Variants in ROBO2 observed in about 807,000 individuals in gnomAD.
ROBO2 encodes roundabout guidance receptor 2, also known as roundabout homolog 2.
A neutral mutation model predicts 160.8 loss-of-function variants in ROBO2; 53 were observed. That is an observed-to-expected ratio of 0.33 (90% CI 0.26 to 0.41). The LOEUF is 0.41. Among genes scored for constraint, ROBO2 ranks in the 10% least tolerant of loss-of-function variants. The pLI is 1.00. For synonymous variants in ROBO2, 664 were observed against 611.7 expected, an observed-to-expected ratio of 1.09 and a Z score of -1.26; for missense variants, 1,577 against 1,722.4, an observed-to-expected ratio of 0.92 and a Z score of 1.49.
At chr3:77,596,482 C>A in intron 18 of ROBO2, 141 bp from the exon 20 acceptor site, 1 of 1,057,476 alleles carries the variant, frequency 9.5e-7, no homozygotes, top group Non-Finnish European at 1.4e-6. Context: ...TGCTGGAGTT[C>A]TTTAATTCCA....
At chr3:76,349,257 A>C (rs2108268352) in intron 2 of ROBO2, among the ~76,000 whole-genome samples, 1 of 152,274 alleles carries the variant, frequency 6.6e-6, no homozygotes, top group South Asian at 2.1e-4. Flanking sequence ...AAATGATAGC[A>C]TATATAATTG....
At chr3:77,450,558 C>A (rs2081012125) in intron 2 of ROBO2, among the ~76,000 whole-genome samples, 3 of 152,000 alleles carry the variant, frequency 2.0e-5, no homozygotes, top group African/African-American at 7.2e-5. Context: ...ACTATTAGTA[C>A]TGGTATATTT....
rs2093876347 is a variant in ROBO2, at chr3:77,580,129, A to G, written c.2500+11A>G. 3 of 1,613,428 alleles carry G rather than the reference A, an allele frequency of 1.9e-6. No homozygotes were observed. The highest frequency in any genetic ancestry group is 4.5e-5 in the East Asian group (2 of 44,868). On this transcript the variant is annotated intron_variant, in intron 16 of 25. Transcript: ENST00000461745. ...AGCCAATAATAATCGGTGAGTATCA[A>G]ACTATGTGGTCTGTGCTTTAGAATC...
chr3:77,417,288 C>A (rs1016881201), intron 2 of ROBO2, among the ~76,000 whole-genome samples: 1 of 149,690 alleles, frequency 6.7e-6, no homozygotes. Flanking sequence ...ATGGGCCAGA[C>A]ATACTTTACT....
At chr3:76,308,799 T>A (rs745423092) in intron 2 of ROBO2, among the ~76,000 whole-genome samples, 11 of 152,174 alleles carry the variant, frequency 7.2e-5, no homozygotes, top group Non-Finnish European at 1.3e-4. Flanking sequence ...CCATTTCAAT[T>A]TCCCCATCAG....
chr3:76,825,067 C>A (rs2066445254), intron 2 of ROBO2, among the ~76,000 whole-genome samples: 1 of 152,186 alleles, frequency 6.6e-6, no homozygotes, highest in Non-Finnish European at 1.5e-5. Context: ...TGTCTCCTCT[C>A]CAATGGCAGT....
chr3:77,319,075 G>A (rs2153429624), intron 2 of ROBO2, among the ~76,000 whole-genome samples: 1 of 152,184 alleles, frequency 6.6e-6, no homozygotes, highest in African/African-American at 2.4e-5. Context: ...ACAATACCTG[G>A]AAAGTAATTA....
At chr3:76,414,923 G>T (rs1055765591) in intron 2 of ROBO2, among the ~76,000 whole-genome samples, 2 of 152,166 alleles carry the variant, frequency 1.3e-5, no homozygotes, top group Non-Finnish European at 2.9e-5. Context: ...GGGTGATAGT[G>T]GGTAGAGAAT....
intron 2 of ROBO2, among the ~76,000 whole-genome samples, chr3:77,129,058 T>G (rs531326427): frequency 5.3e-5 from 8 of 152,128 alleles, no homozygotes; most frequent in Admixed American, 1.3e-4. Flanking sequence ...TGCCTATTTA[T>G]GTTTAAGTGT....
chr3:77,480,970 A>C (rs1260526312), intron 3 of ROBO2, 129 bp from the exon 4 acceptor site: 19 of 789,318 alleles, frequency 2.4e-5, no homozygotes, highest in Non-Finnish European at 3.5e-5. Context: ...AAATGCCAAA[A>C]TAATGGGAGA....
In ROBO2 at chr3:76,948,908, A is replaced by AT. The variant is rs1157110855; in HGVS notation, c.110-149084dup. Among the ~76,000 whole-genome samples the AT allele has an allele frequency of 2.9e-3, 72 of 24,966 alleles. 1 individual carries two copies. The highest frequency in any genetic ancestry group is 7.4e-3 in the African/African-American group (40 of 5,434). 16.4% of individuals were successfully genotyped at this position (24,966 alleles called of 152,430 possible). A position where few individuals can be genotyped will look rare whatever the true frequency, so the allele number is the denominator to read the frequency against. Reference sequence around the variant, plus strand: ...TATATATATATATATATATATATATATTTTTTTTTTTTTTTTTTTTTTAGT... The same window carrying AT: ...TATATATATATATATATATATATATATTTTTTTTTTTTTTTTTTTTTTTAGT... On this transcript the variant is annotated intron_variant, in intron 2 of 26. Transcript: ENST00000487694.
intron 1 of ROBO2, among the ~76,000 whole-genome samples, chr3:75,911,584 G>A (rs1177493701): frequency 2.4e-5 from 3 of 122,632 alleles, no homozygotes; most frequent in Non-Finnish European, 4.9e-5. Flanking sequence ...TTGAGACGGA[G>A]TTTCGCTCTG....
intron 2 of ROBO2, among the ~76,000 whole-genome samples, chr3:77,399,326 C>T (rs2075586320): frequency 6.6e-6 from 1 of 152,196 alleles, no homozygotes; most frequent in Admixed American, 6.5e-5. Flanking sequence ...GCCCAATGCA[C>T]ATATTCCTTG....
intron 1 of ROBO2, among the ~76,000 whole-genome samples, chr3:75,928,381 T>C (rs1947379614): frequency 6.6e-6 from 1 of 152,242 alleles, no homozygotes; most frequent in African/African-American, 2.4e-5. Context: ...GTGCAGACAT[T>C]ATGTCTACTT....
intron 2 of ROBO2, among the ~76,000 whole-genome samples, chr3:77,192,765 C>T (rs1324137455): frequency 1.3e-5 from 2 of 150,068 alleles, no homozygotes; most frequent in African/African-American, 4.9e-5. Context: ...GGTGCCTCAG[C>T]CCCCCAAGTA....
At chr3:77,625,614 G>A (rs1165025640) in intron 23 of ROBO2, among the ~76,000 whole-genome samples, 4 of 152,084 alleles carry the variant, frequency 2.6e-5, no homozygotes, top group Non-Finnish European at 4.4e-5. Context: ...TTGACCTCGT[G>A]ATCCATCTGC....
intron 2 of ROBO2, among the ~76,000 whole-genome samples, chr3:76,555,405 GAA>G (rs1278400450): frequency 6.2e-4 from 44 of 71,526 alleles, no homozygotes; most frequent in African/African-American, 1.3e-3. Flanking sequence ...AGAAGAAGAA[GAA>G]GAAGAAGAAG....
chr3:76,937,748 C>T (rs10154883), intron 2 of ROBO2, among the ~76,000 whole-genome samples: 67,634 of 151,780 alleles, frequency 0.45, 15,374 homozygotes, highest in African/African-American at 0.53. Flanking sequence ...AATGCATATC[C>T]ATGTAATAAA....
At chr3:77,014,338 A>G (rs951228322) in intron 2 of ROBO2, among the ~76,000 whole-genome samples, 1 of 152,184 alleles carries the variant, frequency 6.6e-6, no homozygotes, top group Non-Finnish European at 1.5e-5. Context: ...TGTCCACTAG[A>G]AGACCCTGGT....
Sources: gnomAD v4.1 joint callset for allele counts (sites outside exome capture counted in the v4.1 genomes callset) on GRCh38, gnomAD v4.1.1 for gene constraint, MANE v1.5 for transcripts, NCBI Gene and HGNC (gene_info 2026-07-23, HGNC 2026-07-21) for gene names.